Variants in ROR1 observed in about 807,000 individuals in gnomAD.
ROR1 encodes inactive tyrosine-protein kinase transmembrane receptor ROR1.
ROR1 carries 19 observed loss-of-function variants against 78.8 expected under a neutral mutation model. The observed-to-expected ratio is 0.24, with a 90% CI of 0.17 to 0.35. The LOEUF (loss-of-function observed/expected upper bound fraction) is 0.35, where lower values mean the gene tolerates loss of function less well. Among genes scored for constraint, ROR1 ranks in the 10% least tolerant of loss-of-function variants. The pLI, the probability that ROR1 is intolerant of heterozygous loss-of-function variation, is 1.00. For missense variants in ROR1, 917 were observed against 1,177.8 expected, an observed-to-expected ratio of 0.78 and a Z score of 3.24; for synonymous variants, 386 against 433.6, an observed-to-expected ratio of 0.89 and a Z score of 1.36.
At chr1:64,094,660 G>C (rs1353553903) in intron 4 of ROR1, 1 of 152,746 alleles carries the variant, frequency 6.5e-6, no homozygotes, top group African/African-American at 2.4e-5. Flanking sequence ...CACAATCTTG[G>C]CTCACTGCAA....
chr1:63,833,663 T>C (rs1473203190), intron 1 of ROR1, among the ~76,000 whole-genome samples: 2 of 152,022 alleles, frequency 1.3e-5, no homozygotes, highest in Non-Finnish European at 2.9e-5. Flanking sequence ...AAAGTTCCTT[T>C]TCATTTTTTT....
At chr1:64,014,740 CTATATATA>C (rs1208813882) in intron 2 of ROR1, among the ~76,000 whole-genome samples, 8,243 of 29,086 alleles carry the variant, frequency 0.28, 1,764 homozygotes, top group South Asian at 0.33. Flanking sequence ...CATACGCACA[CTATATATA>C]TATATATATA....
At chr1:64,095,558 T>G (rs1647276275) in intron 4 of ROR1, among the ~76,000 whole-genome samples, 1 of 152,166 alleles carries the variant, frequency 6.6e-6, no homozygotes, top group Non-Finnish European at 1.5e-5. Context: ...GGTTCCTGGG[T>G]GCCATAACAT....
intron 1 of ROR1, among the ~76,000 whole-genome samples, chr1:63,939,873 G>A (rs982876315): frequency 5.3e-5 from 8 of 152,274 alleles, no homozygotes; most frequent in Admixed American, 3.9e-4. Flanking sequence ...GATCCCTGAA[G>A]TTTAGAGAGA....
At chr1:64,080,472 C>G (rs1011466547) in intron 4 of ROR1, among the ~76,000 whole-genome samples, 26 of 152,184 alleles carry the variant, frequency 1.7e-4, no homozygotes, top group Non-Finnish European at 2.8e-4. Flanking sequence ...ACCCCAGATG[C>G]CTACTTTTAT....
chr1:63,816,574 T>A (rs1199181097), intron 1 of ROR1, among the ~76,000 whole-genome samples: 1 of 152,202 alleles, frequency 6.6e-6, no homozygotes. Flanking sequence ...CTCGGGTGTG[T>A]CTTTATCAGC....
At chr1:63,952,227 G>A (rs1645945634) in intron 1 of ROR1, among the ~76,000 whole-genome samples, 1 of 152,122 alleles carries the variant, frequency 6.6e-6, no homozygotes, top group Admixed American at 6.5e-5. Flanking sequence ...GGCCATATGG[G>A]GGAAGAATAC....
chr1:64,035,253 C>A (rs1646692795), intron 2 of ROR1, among the ~76,000 whole-genome samples: 1 of 152,150 alleles, frequency 6.6e-6, no homozygotes, highest in Non-Finnish European at 1.5e-5. Flanking sequence ...ACTGATTTTC[C>A]TCAAGTTTGT....
chr1:64,166,706 A>T (rs1021274297), intron 8 of ROR1, among the ~76,000 whole-genome samples: 9 of 152,166 alleles, frequency 5.9e-5, no homozygotes, highest in Non-Finnish European at 1.0e-4. Context: ...CCCAGCAAAG[A>T]TTATAGAGGT....
At chr1:64,134,492 G>A (rs866192033) in intron 4 of ROR1, among the ~76,000 whole-genome samples, 16 of 152,028 alleles carry the variant, frequency 1.1e-4, no homozygotes, top group East Asian at 3.9e-4. Flanking sequence ...TTTCTCTCTC[G>A]TAAAATAAGG....
intron 1 of ROR1, among the ~76,000 whole-genome samples, chr1:63,940,382 A>C (rs974989012): frequency 6.6e-6 from 1 of 152,184 alleles, no homozygotes; most frequent in African/African-American, 2.4e-5. Flanking sequence ...TGAGTGATGG[A>C]ATAGATAAGG....
chr1:64,102,960 C>G (rs1468253766), intron 4 of ROR1, among the ~76,000 whole-genome samples: 4 of 152,146 alleles, frequency 2.6e-5, no homozygotes, highest in Admixed American at 2.0e-4. Context: ...ACAATCACCC[C>G]CCTGTTGAGA....
intron 1 of ROR1, among the ~76,000 whole-genome samples, chr1:63,980,161 A>ATG (rs1481291212): frequency 1.5e-4 from 22 of 151,360 alleles, no homozygotes; most frequent in South Asian, 2.1e-4. Context: ...ATATATATAT[A>ATG]TATATTTGGT....
chr1:63,791,363 G>GA (rs916206572), intron 1 of ROR1, among the ~76,000 whole-genome samples: 4 of 151,780 alleles, frequency 2.6e-5, no homozygotes, highest in Non-Finnish European at 5.9e-5. Context: ...TTTTTCACTG[G>GA]AAAAAAATAT....
chr1:63,908,624 T>C (rs1645545865), intron 1 of ROR1, among the ~76,000 whole-genome samples: 1 of 152,234 alleles, frequency 6.6e-6, no homozygotes, highest in Non-Finnish European at 1.5e-5. Flanking sequence ...TAACAAAACA[T>C]GGTGGATTGC....
chr1:63,864,226 G>A (rs944588516), intron 1 of ROR1, among the ~76,000 whole-genome samples: 3 of 152,114 alleles, frequency 2.0e-5, no homozygotes, highest in Non-Finnish European at 4.4e-5. Context: ...AAACTCAGGC[G>A]GTCAGCCTCA....
At chr1:63,980,967 T>G (rs575149283) in intron 1 of ROR1, among the ~76,000 whole-genome samples, 1 of 151,714 alleles carries the variant, frequency 6.6e-6, no homozygotes, top group Admixed American at 6.5e-5. Flanking sequence ...CTCTTAGCAC[T>G]TTGTGCAAGG....
At chr1:64,032,340 C>CAAAAAAAAAAAAAAAAAA in intron 2 of ROR1, among the ~76,000 whole-genome samples, 1 of 76,344 alleles carries the variant, frequency 1.3e-5, no homozygotes, top group Non-Finnish European at 2.5e-5. Flanking sequence ...GACTCCGTCT[C>CAAAAAAAAAAAAAAAAAA]AAAAAAAAAA....
At chr1:64,073,342 T>G (rs538942457) in intron 4 of ROR1, among the ~76,000 whole-genome samples, 1 of 151,412 alleles carries the variant, frequency 6.6e-6, no homozygotes, top group African/African-American at 2.4e-5. Context: ...TGCTCCTTTA[T>G]TTTACCCATT....
Sources: gnomAD v4.1 joint callset for allele counts (sites outside exome capture counted in the v4.1 genomes callset) on GRCh38, gnomAD v4.1.1 for gene constraint, MANE v1.5 for transcripts, NCBI Gene and HGNC (gene_info 2026-07-23, HGNC 2026-07-21) for gene names.